ABCD2: variants seen among roughly 807,000 people sequenced by gnomAD.
ABCD2 encodes the protein ATP binding cassette subfamily D member 2.
A neutral mutation model predicts 70.9 loss-of-function variants in ABCD2; 36 were observed. The ratio of observed to expected loss-of-function variants is 0.51; its 90% CI spans 0.39 to 0.67. The LOEUF (loss-of-function observed/expected upper bound fraction) is 0.67, where lower values mean the gene tolerates loss of function less well. Ranked by LOEUF, ABCD2 falls within the 30% of genes least tolerant of loss-of-function variation. The pLI is 0.00. For missense variants in ABCD2, 729 were observed against 890.2 expected, an observed-to-expected ratio of 0.82 and a Z score of 2.30; for synonymous variants, 304 against 306.9, an observed-to-expected ratio of 0.99 and a Z score of 0.10.
intron 9 of ABCD2, among the ~76,000 whole-genome samples, chr12:39,569,225 G>GT (rs925827997): frequency 2.6e-5 from 4 of 152,332 alleles, no homozygotes; most frequent in African/African-American, 7.2e-5. Flanking sequence ...ACCCCCAGAG[G>GT]TTGAGTCTAC....
chr12:39,560,099 G>A (rs561580291), intron 9 of ABCD2, among the ~76,000 whole-genome samples: 2 of 152,250 alleles, frequency 1.3e-5, no homozygotes, highest in South Asian at 4.1e-4. Context: ...CCATGTTGGT[G>A]TGCTGCACCC....
At chr12:39,599,207 A>G (rs1028103067) in intron 6 of ABCD2, among the ~76,000 whole-genome samples, 8 of 152,178 alleles carry the variant, frequency 5.3e-5, no homozygotes, top group African/African-American at 1.7e-4. Flanking sequence ...TTCTCTGGAA[A>G]TGTTTTACAT....
intron 4 of ABCD2, 99 bp downstream of exon 4, chr12:39,604,663 G>T: frequency 2.2e-6 from 2 of 915,910 alleles, no homozygotes; most frequent in Non-Finnish European, 3.2e-6. Context: ...TTATTTAAAT[G>T]TTGGTACTTT....
chr12:39,557,435 T>C (rs954848680), intron 9 of ABCD2, among the ~76,000 whole-genome samples: 21 of 152,138 alleles, frequency 1.4e-4, no homozygotes, highest in Non-Finnish European at 4.4e-5. Flanking sequence ...AAGCAGAGCA[T>C]AAAAGTTTAG....
At chr12:39,570,030 G>C (rs1040618754) in intron 9 of ABCD2, among the ~76,000 whole-genome samples, 1 of 152,120 alleles carries the variant, frequency 6.6e-6, no homozygotes, top group Non-Finnish European at 1.5e-5. Flanking sequence ...TAAGCAAGGA[G>C]GTGTAAGGTC....
At chr12:39,540,221 G>A in the ABCD2 span, among the ~76,000 whole-genome samples, 1 of 152,182 alleles carries the variant, frequency 6.6e-6, no homozygotes, top group Admixed American at 6.5e-5. Context: ...CTTGCACATA[G>A]TGAAGAGTGG....
At chr12:39,533,153 A>G in the ABCD2 span, among the ~76,000 whole-genome samples, 3 of 152,224 alleles carry the variant, frequency 2.0e-5, no homozygotes, top group Admixed American at 6.5e-5. Flanking sequence ...TGACAAGAGC[A>G]CGACTCTGTC....
the ABCD2 span, among the ~76,000 whole-genome samples, chr12:39,542,201 T>C: frequency 6.6e-6 from 1 of 152,182 alleles, no homozygotes; most frequent in Non-Finnish European, 1.5e-5. Flanking sequence ...TGGTGGATCA[T>C]GCCTGTAATC....
At chr12:39,570,001 A>C (rs546902267) in intron 9 of ABCD2, among the ~76,000 whole-genome samples, 1 of 152,342 alleles carries the variant, frequency 6.6e-6, no homozygotes, top group Non-Finnish European at 1.5e-5. Flanking sequence ...AGAAAAAGTT[A>C]AACACTTAGG....
At chr12:39,578,676 T>G (rs1481276410) in intron 8 of ABCD2, among the ~76,000 whole-genome samples, 1 of 151,156 alleles carries the variant, frequency 6.6e-6, no homozygotes, top group East Asian at 2.0e-4. Flanking sequence ...CTGGTTACAA[T>G]TAAAAATGTT....
rs1460745557 is a variant in ABCD2, at chr12:39,568,088, CTGACAATTA to C, written c.2003+5619_2003+5627del. On this transcript the variant is annotated intron_variant, in intron 9 of 9. Coordinates refer to ENST00000308666, the MANE Select transcript of ABCD2 (RefSeq NM_005164.4). ...TTCCTTCATTTCAACTTTGGTGAAT[CTGACAATTA>C]TGTGTCTTGGAGTTGCTCTTCTTGA... 8.5e-5 allele frequency among the ~76,000 whole-genome samples: 13 copies of C among 152,076 alleles called. No individual in the cohort carries two copies. In the East Asian group the frequency reaches 2.5e-3, roughly 29 times the overall value.
At chr12:39,560,345 C>CT (rs1941237029) in intron 9 of ABCD2, among the ~76,000 whole-genome samples, 3 of 152,176 alleles carry the variant, frequency 2.0e-5, no homozygotes, top group East Asian at 3.9e-4. Flanking sequence ...TGAACTCATC[C>CT]TTTTTTATGG....
intron 9 of ABCD2, among the ~76,000 whole-genome samples, chr12:39,566,282 T>C (rs1941346093): frequency 6.6e-6 from 1 of 152,186 alleles, no homozygotes; most frequent in Non-Finnish European, 1.5e-5. Context: ...GTTGGTAAGC[T>C]ATTAATTATT....
intron 5 of ABCD2, among the ~76,000 whole-genome samples, chr12:39,601,950 T>C (rs1941903775): frequency 6.6e-6 from 1 of 151,904 alleles, no homozygotes; most frequent in East Asian, 1.9e-4. Context: ...GGCAAAATAT[T>C]TCAATAGGGC....
chr12:39,616,570 A>G (rs1328543575), intron 2 of ABCD2, among the ~76,000 whole-genome samples: 3 of 152,170 alleles, frequency 2.0e-5, no homozygotes, highest in African/African-American at 4.8e-5. Context: ...GGGCAAATTC[A>G]GTTATAGAAT....
chr12:39,541,805 A>G, the ABCD2 span, among the ~76,000 whole-genome samples: 1 of 152,152 alleles, frequency 6.6e-6, no homozygotes, highest in Non-Finnish European at 1.5e-5. Context: ...AAGTATTACC[A>G]TATAGTATGA....
intron 1 of ABCD2, among the ~76,000 whole-genome samples, chr12:39,618,307 T>C (rs1488273544): frequency 6.6e-6 from 1 of 152,210 alleles, no homozygotes; most frequent in Non-Finnish European, 1.5e-5. Flanking sequence ...TGTTTAGTCT[T>C]AGTTTCTAAA....
At chr12:39,599,330 T>C (rs1566575539) in intron 6 of ABCD2, among the ~76,000 whole-genome samples, 1 of 152,222 alleles carries the variant, frequency 6.6e-6, no homozygotes, top group Admixed American at 6.5e-5. Flanking sequence ...TTCTTCATAA[T>C]TCTACGCCTT....
intron 3 of ABCD2, among the ~76,000 whole-genome samples, chr12:39,606,063 C>G (rs1027968669): frequency 6.6e-6 from 1 of 151,852 alleles, no homozygotes; most frequent in Non-Finnish European, 1.5e-5. Context: ...ATTTAAAGAT[C>G]AACAAAATAG....
Sources: allele counts gnomAD v4.1 joint callset (sites outside exome capture counted in the v4.1 genomes callset), GRCh38; gene constraint gnomAD v4.1.1; transcripts MANE v1.5; gene names NCBI Gene and HGNC (gene_info 2026-07-23, HGNC 2026-07-21).